PTPRG: variants seen among roughly 807,000 people sequenced by gnomAD.
PTPRG encodes the protein receptor-type tyrosine-protein phosphatase gamma.
Under a neutral mutation model 165.3 loss-of-function variants are expected in PTPRG, and 102 were observed. The observed-to-expected ratio is 0.62, with a 90% confidence interval of 0.53 to 0.73. The LOEUF (loss-of-function observed/expected upper bound fraction) is 0.73. PTPRG is among the 30% of genes least tolerant of loss of function. PTPRG has a pLI of 0.00. For missense variants in PTPRG, 1,866 were observed against 1,861.4 expected (o/e 1.00, Z -0.05); for synonymous variants, 675 against 669.5 (o/e 1.01, Z -0.13).
intron 2 of PTPRG, among the ~76,000 whole-genome samples, chr3:61,817,718 C>T (rs2035829507): frequency 6.6e-6 from 1 of 152,122 alleles, no homozygotes; most frequent in African/African-American, 2.4e-5. Flanking sequence ...TGCAGATGCC[C>T]ATGGGAAAGT....
intron 21 of PTPRG, among the ~76,000 whole-genome samples, chr3:62,272,549 T>C (rs755983071): frequency 6.6e-6 from 1 of 152,154 alleles, no homozygotes; most frequent in Non-Finnish European, 1.5e-5. Flanking sequence ...TAAGGTTATC[T>C]AAGTGGGGTT....
At chr3:62,292,860 C>A in intron 29 of PTPRG, 1 of 470,212 alleles carries the variant, frequency 2.1e-6, no homozygotes, top group Non-Finnish European at 3.7e-6. Flanking sequence ...CTCTGGTTAT[C>A]TTCATTAACC....
intron 2 of PTPRG, among the ~76,000 whole-genome samples, chr3:61,886,694 A>G (rs73842118): frequency 6.0e-4 from 92 of 152,288 alleles, no homozygotes; most frequent in African/African-American, 2.1e-3. Context: ...TGTACCTCCT[A>G]GCTACCCATG....
chr3:62,203,741 C>G lies in PTPRG; in HGVS notation c.1946C>G (p.Thr649Ser). Residue 649 changes from threonine (T) to serine (S), a missense_variant, in exon 12 of 30, where the codon ACT becomes AGT. Thr to Ser is a moderately conservative substitution (Grantham distance 58). Coordinates refer to ENST00000474889, the MANE Select transcript of PTPRG (RefSeq NM_002841.4). The surrounding 1 kb of genome is among the most constrained non-coding windows in gnomAD (Gnocchi z 6.4). ...ATACCTGGGCATGAGCAGGATCACACTGCCGTCCCCACAGACCAGACGGGC... is the reference window on the plus strand; with the variant it reads ...ATACCTGGGCATGAGCAGGATCACAGTGCCGTCCCCACAGACCAGACGGGC... The part of the protein sequence containing the change: ...QTIPGHEQDH[T>S]AVPTDQTGGR... 1 of 1,601,124 alleles carries G rather than the reference C, an allele frequency of 6.2e-7. No individual in the cohort carries two copies. Among genetic ancestry groups the G allele is most frequent in the Non-Finnish European group, 8.5e-7 (1 of 1,173,422 alleles).
intron 26 of PTPRG, among the ~76,000 whole-genome samples, chr3:62,280,762 G>C (rs911732606): frequency 6.6e-6 from 1 of 151,964 alleles, no homozygotes; most frequent in East Asian, 1.9e-4. Context: ...TTGCACTCCC[G>C]TTCATTGCAG....
intron 2 of PTPRG, among the ~76,000 whole-genome samples, chr3:61,905,695 A>G (rs1248005311): frequency 6.6e-6 from 1 of 152,202 alleles, no homozygotes; most frequent in Non-Finnish European, 1.5e-5. Flanking sequence ...GCAGGTTCAG[A>G]TATCTGCCCA....
At chr3:61,801,492 AG>A (rs2035240189) in intron 2 of PTPRG, among the ~76,000 whole-genome samples, 1 of 151,838 alleles carries the variant, frequency 6.6e-6, no homozygotes, top group African/African-American at 2.4e-5. Flanking sequence ...AGAGGGGTGG[AG>A]GGGGGAAGAA....
chr3:61,828,915 C>T (rs2036190263), intron 2 of PTPRG, among the ~76,000 whole-genome samples: 1 of 152,082 alleles, frequency 6.6e-6, no homozygotes, highest in Non-Finnish European at 1.5e-5. Context: ...AGATATTTAC[C>T]TATATGACTG....
chr3:61,698,069 A>G (rs1414814403), intron 1 of PTPRG, among the ~76,000 whole-genome samples: 1 of 152,174 alleles, frequency 6.6e-6, no homozygotes, highest in Non-Finnish European at 1.5e-5. Flanking sequence ...ACATAAGGTT[A>G]CCTATTTCTT....
intron 1 of PTPRG, among the ~76,000 whole-genome samples, chr3:61,575,410 A>T (rs1700152654): frequency 6.6e-6 from 1 of 152,110 alleles, no homozygotes; most frequent in Non-Finnish European, 1.5e-5. Flanking sequence ...TTAAAAAAAA[A>T]TGCATTTTTT....
At chr3:62,283,659 T>G (rs1312750981) in intron 28 of PTPRG, among the ~76,000 whole-genome samples, 1 of 152,122 alleles carries the variant, frequency 6.6e-6, no homozygotes, top group Admixed American at 6.6e-5. Context: ...TTATGTTCAT[T>G]AAATTACCAA....
At chr3:61,705,593 CTG>C (rs772452028) in intron 1 of PTPRG, among the ~76,000 whole-genome samples, 1 of 152,142 alleles carries the variant, frequency 6.6e-6, no homozygotes, top group Non-Finnish European at 1.5e-5. Context: ...AGGTGTATAA[CTG>C]TGCAATAAAG....
chr3:61,691,879 A>T (rs2030236647), intron 1 of PTPRG, among the ~76,000 whole-genome samples: 1 of 2,440 alleles, frequency 4.1e-4, no homozygotes, highest in Admixed American at 0.014. Context: ...GAGGACTTAC[A>T]TTTAACCTTG....
chr3:61,573,598 A>G (rs188896984), intron 1 of PTPRG, among the ~76,000 whole-genome samples: 9 of 152,248 alleles, frequency 5.9e-5, no homozygotes, highest in Admixed American at 2.0e-4. Flanking sequence ...AATTCCCCAC[A>G]TGTGATTCAG....
chr3:61,572,279 C>A (rs898263340), intron 1 of PTPRG, among the ~76,000 whole-genome samples: 4 of 152,152 alleles, frequency 2.6e-5, no homozygotes, highest in South Asian at 4.1e-4. Flanking sequence ...AACCTTATTT[C>A]TTCTGGAGAC....
At chr3:61,598,327 G>A (rs1164680385) in intron 1 of PTPRG, among the ~76,000 whole-genome samples, 3 of 152,178 alleles carry the variant, frequency 2.0e-5, no homozygotes, top group African/African-American at 7.2e-5. Flanking sequence ...GGCCAAGAAA[G>A]TAGAAAAATT....
intron 1 of PTPRG, among the ~76,000 whole-genome samples, chr3:61,681,444 C>T (rs529393526): frequency 6.6e-6 from 1 of 152,302 alleles, no homozygotes; most frequent in South Asian, 2.1e-4. Context: ...TCAGTTTGTC[C>T]TGAAGGTTGA....
intron 2 of PTPRG, among the ~76,000 whole-genome samples, chr3:61,984,077 G>T (rs1465575450): frequency 6.6e-6 from 1 of 152,132 alleles, no homozygotes; most frequent in East Asian, 1.9e-4. Flanking sequence ...GCCTTAAACA[G>T]ACCAGTTGGA....
At chr3:61,885,916 A>T (rs1280078611) in intron 2 of PTPRG, among the ~76,000 whole-genome samples, 2 of 150,510 alleles carry the variant, frequency 1.3e-5, no homozygotes, top group Non-Finnish European at 3.0e-5. Context: ...GTAGATTCTT[A>T]TTCAGCCAGC....
Sources: gnomAD v4.1 joint callset for allele counts (sites outside exome capture counted in the v4.1 genomes callset) on GRCh38, gnomAD v4.1.1 for gene constraint, Gnocchi (gnomAD v3.1) non-coding constraint, MANE v1.5 for transcripts, NCBI Gene and HGNC (gene_info 2026-07-23, HGNC 2026-07-21) for gene names.